Variants in ATP8A2 observed in about 807,000 individuals in gnomAD.
ATP8A2 encodes ATPase phospholipid transporting 8A2.
ATP8A2 carries 100 observed loss-of-function variants against 165.6 expected under a neutral mutation model. That is an observed-to-expected ratio of 0.60 (90% CI 0.51 to 0.71). The LOEUF (loss-of-function observed/expected upper bound fraction) is 0.71, where lower values mean the gene tolerates loss of function less well. Ranked by LOEUF, ATP8A2 falls within the 30% of genes least tolerant of loss-of-function variation. The pLI, the probability that ATP8A2 is intolerant of heterozygous loss-of-function variation, is 0.00. For missense variants in ATP8A2, 1,227 were observed against 1,479.5 expected, an observed-to-expected ratio of 0.83 and a Z score of 2.80; for synonymous variants, 543 against 548.8, an observed-to-expected ratio of 0.99 and a Z score of 0.15.
At chr13:25,982,564 A>G (rs1232596079) in intron 35 of ATP8A2, among the ~76,000 whole-genome samples, 1 of 152,210 alleles carries the variant, frequency 6.6e-6, no homozygotes, top group Non-Finnish European at 1.5e-5. Context: ...TTGATAACCC[A>G]GAGAAATGCA....
intron 1 of ATP8A2, among the ~76,000 whole-genome samples, chr13:25,379,944 G>T (rs2032778728): frequency 6.6e-6 from 1 of 152,152 alleles, no homozygotes; most frequent in South Asian, 2.1e-4. Context: ...CTGATTTTCT[G>T]GTGTTAGAGT....
At chr13:25,453,496 G>T (rs2035284300) in intron 1 of ATP8A2, among the ~76,000 whole-genome samples, 1 of 152,114 alleles carries the variant, frequency 6.6e-6, no homozygotes, top group Non-Finnish European at 1.5e-5. Context: ...ACGGCTTATG[G>T]CCTCGGGATT....
intron 2 of ATP8A2, among the ~76,000 whole-genome samples, chr13:25,515,458 C>G (rs1369954244): frequency 1.3e-5 from 2 of 152,260 alleles, no homozygotes; most frequent in African/African-American, 4.8e-5. Context: ...AGGCCAGGGC[C>G]CTTGCTTAGG....
intron 1 of ATP8A2, among the ~76,000 whole-genome samples, chr13:25,402,688 G>A (rs1303447118): frequency 2.0e-5 from 3 of 152,182 alleles, no homozygotes; most frequent in African/African-American, 7.2e-5. Flanking sequence ...GTATTAAGAG[G>A]TGGGGTATTT....
At chr13:25,905,512 G>C (rs1389885003) in intron 33 of ATP8A2, among the ~76,000 whole-genome samples, 1 of 151,994 alleles carries the variant, frequency 6.6e-6, no homozygotes, top group East Asian at 1.9e-4. Context: ...CGTCCTGCCT[G>C]GTATCCCGTG....
At chr13:25,410,209 GT>G (rs200688917) in intron 1 of ATP8A2, among the ~76,000 whole-genome samples, 70 of 151,518 alleles carry the variant, frequency 4.6e-4, no homozygotes, top group Middle Eastern at 3.4e-3. Flanking sequence ...GTCCGTAGTG[GT>G]TTTTTTTCCC....
At chr13:26,015,959 C>T (rs1956961828) in intron 36 of ATP8A2, among the ~76,000 whole-genome samples, 4 of 152,162 alleles carry the variant, frequency 2.6e-5, no homozygotes, top group Admixed American at 6.5e-5. Flanking sequence ...TATCTTCATC[C>T]GGTGGGACAG....
At chr13:25,806,296 T>C (rs1019852154) in intron 27 of ATP8A2, among the ~76,000 whole-genome samples, 3 of 152,120 alleles carry the variant, frequency 2.0e-5, no homozygotes, top group African/African-American at 7.2e-5. Context: ...ATGACATATA[T>C]ACAGAAGATG....
chr13:25,835,010 G>A (rs963369853), intron 28 of ATP8A2, among the ~76,000 whole-genome samples: 1 of 151,312 alleles, frequency 6.6e-6, no homozygotes, highest in Non-Finnish European at 1.5e-5. Context: ...GTGTAGTATG[G>A]TATAGGCAGA....
intron 2 of ATP8A2, among the ~76,000 whole-genome samples, chr13:25,504,311 C>T (rs1429052485): frequency 6.6e-6 from 1 of 150,478 alleles, no homozygotes; most frequent in African/African-American, 2.5e-5. Flanking sequence ...TGATTGGTAT[C>T]CTATTATTTT....
intron 25 of ATP8A2, among the ~76,000 whole-genome samples, chr13:25,703,301 A>C (rs1286471161): frequency 6.6e-6 from 1 of 152,014 alleles, no homozygotes; most frequent in African/African-American, 2.4e-5. Context: ...GATGGTCTCG[A>C]TCTCTTGACC....
intron 33 of ATP8A2, among the ~76,000 whole-genome samples, chr13:25,906,577 C>T (rs1456824019): frequency 6.6e-6 from 1 of 152,080 alleles, no homozygotes; most frequent in African/African-American, 2.4e-5. Context: ...GCTCCCCCGC[C>T]TTCTCTCTCC....
intron 1 of ATP8A2, among the ~76,000 whole-genome samples, chr13:25,464,439 C>T (rs9553623): frequency 0.44 from 52,198 of 119,744 alleles, 10,722 homozygotes; most frequent in East Asian, 0.64. Context: ...GCTGCCTCAT[C>T]TCTATCTAAA....
chr13:25,468,001 G>A (rs1299434573), intron 1 of ATP8A2, among the ~76,000 whole-genome samples: 1 of 152,154 alleles, frequency 6.6e-6, no homozygotes, highest in Non-Finnish European at 1.5e-5. Context: ...TATCTCAGAC[G>A]CCTCTCCTCT....
chr13:25,466,517 A>G (rs1300727166), intron 1 of ATP8A2, among the ~76,000 whole-genome samples: 1 of 152,156 alleles, frequency 6.6e-6, no homozygotes, highest in Non-Finnish European at 1.5e-5. Context: ...GTAAGTAACC[A>G]TGGTTACACC....
chr13:25,418,465 A>T (rs1441772865), intron 1 of ATP8A2, among the ~76,000 whole-genome samples: 1 of 143,640 alleles, frequency 7.0e-6, no homozygotes, highest in Non-Finnish European at 1.5e-5. Flanking sequence ...GTACCATGTT[A>T]AAGGATATTT....
chr13:25,752,758 A>G (rs1408006488), intron 25 of ATP8A2, among the ~76,000 whole-genome samples: 1 of 152,112 alleles, frequency 6.6e-6, no homozygotes, highest in Non-Finnish European at 1.5e-5. Flanking sequence ...ATATTAGTCT[A>G]CTTTGTTGTT....
chr13:25,494,140 C>T (rs1191235200), intron 2 of ATP8A2, among the ~76,000 whole-genome samples: 3 of 151,984 alleles, frequency 2.0e-5, no homozygotes, highest in African/African-American at 7.3e-5. Context: ...AGGGAGCTGT[C>T]CAAGGTCTGT....
intron 25 of ATP8A2, among the ~76,000 whole-genome samples, chr13:25,717,432 A>C (rs914034197): frequency 1.3e-5 from 2 of 151,524 alleles, no homozygotes; most frequent in African/African-American, 4.9e-5. Flanking sequence ...AAAAAAAAAA[A>C]AAAACACCAA....
Sources: allele counts gnomAD v4.1 joint callset (sites outside exome capture counted in the v4.1 genomes callset), GRCh38; gene constraint gnomAD v4.1.1; transcripts MANE v1.5; gene names NCBI Gene and HGNC (gene_info 2026-07-23, HGNC 2026-07-21).